BRI3BP: variants seen among roughly 807,000 people sequenced by gnomAD.
BRI3BP encodes BRI3 binding protein.
A neutral mutation model predicts 15.8 loss-of-function variants in BRI3BP; 7 were observed. The ratio of observed to expected loss-of-function variants is 0.44; its 90% CI spans 0.25 to 0.83. The LOEUF (loss-of-function observed/expected upper bound fraction) is 0.83. BRI3BP is among the 40% of genes least tolerant of loss of function. The pLI, the probability that BRI3BP is intolerant of heterozygous loss-of-function variation, is 0.20. For missense variants in BRI3BP, 320 were observed against 339.3 expected (o/e 0.94, Z 0.45); for synonymous variants, 192 against 163.5 (o/e 1.17, Z -1.33).
the BRI3BP span, among the ~76,000 whole-genome samples, chr12:125,047,297 C>T: frequency 6.6e-6 from 1 of 151,178 alleles, no homozygotes; most frequent in South Asian, 2.1e-4. Flanking sequence ...TACAGGAGCC[C>T]GCCACCACGC....
chr12:124,998,147 C>G (rs1955056060), intron 1 of BRI3BP, among the ~76,000 whole-genome samples: 1 of 148,888 alleles, frequency 6.7e-6, no homozygotes, highest in Non-Finnish European at 1.5e-5. Context: ...AAAAAATTAG[C>G]TGGGCGTGGT....
chr12:125,034,206 C>T (rs1414156304), downstream of BRI3BP, among the ~76,000 whole-genome samples: 1 of 151,498 alleles, frequency 6.6e-6, no homozygotes, highest in African/African-American at 2.4e-5. Context: ...GCCACCACAC[C>T]CAGCTAATTT....
chr12:125,002,124 G>T (rs562933858), intron 1 of BRI3BP, among the ~76,000 whole-genome samples: 1 of 152,044 alleles, frequency 6.6e-6, no homozygotes, highest in African/African-American at 2.4e-5. Context: ...TGCACATTTC[G>T]GTTTATGTCA....
Position 125,027,340 on chromosome 12 carries a change from G to A in BRI3BP, c.*1910G>A, listed in dbSNP as rs1955364199. 1 of 152,074 alleles carries A rather than the reference G, an allele frequency of 6.6e-6. No homozygotes were observed. Among genetic ancestry groups the A allele is most frequent in the Non-Finnish European group, 1.5e-5 (1 of 68,044 alleles). 9.4% of individuals were successfully genotyped at this position (152,074 alleles called of 1,614,324 possible). A position where few individuals can be genotyped will look rare whatever the true frequency, so the allele number is the denominator to read the frequency against. ...CTTCCTGAAACGTGCACCTGTTTCA[G>A]GTGCATGTTTATTCAGTGTGCATGG... On this transcript the variant is annotated 3_prime_UTR_variant, in exon 3 of 3. Transcript: ENST00000341446.
At chr12:125,003,959 ACACACACACAC>A (rs1955119428) in intron 1 of BRI3BP, among the ~76,000 whole-genome samples, 2 of 8,150 alleles carry the variant, frequency 2.5e-4, no homozygotes, top group Non-Finnish European at 3.9e-4. Flanking sequence ...TCTCAAAAAC[ACACACACACAC>A]ACACACACAC....
At chr12:125,014,548 A>G (rs1027605826) in intron 2 of BRI3BP, among the ~76,000 whole-genome samples, 12 of 152,222 alleles carry the variant, frequency 7.9e-5, no homozygotes, top group African/African-American at 2.9e-4. Flanking sequence ...CATACGGGAC[A>G]CACTTAATTC....
chr12:125,020,929 A>C (rs1248950911), intron 2 of BRI3BP, among the ~76,000 whole-genome samples: 1 of 152,182 alleles, frequency 6.6e-6, no homozygotes, highest in Non-Finnish European at 1.5e-5. Flanking sequence ...TTAACAACTA[A>C]TTAAAAACTA....
the BRI3BP span, among the ~76,000 whole-genome samples, chr12:125,046,775 C>T: frequency 2.6e-5 from 4 of 152,276 alleles, no homozygotes; most frequent in South Asian, 4.1e-4. Flanking sequence ...TATTTTAATT[C>T]GGCTATGGAT....
At chr12:125,047,305 C>T in the BRI3BP span, among the ~76,000 whole-genome samples, 1 of 151,866 alleles carries the variant, frequency 6.6e-6, no homozygotes, top group East Asian at 1.9e-4. Context: ...CCCGCCACCA[C>T]GCCCGGCTAA....
At chr12:125,014,911 C>T (rs989491604) in intron 2 of BRI3BP, among the ~76,000 whole-genome samples, 33 of 152,302 alleles carry the variant, frequency 2.2e-4, no homozygotes, top group African/African-American at 4.8e-4. Context: ...GGACCACAGG[C>T]CCATGCCACC....
chr12:125,024,644 AC>A (rs1423650960), intron 2 of BRI3BP, among the ~76,000 whole-genome samples: 6 of 152,018 alleles, frequency 3.9e-5, no homozygotes, highest in African/African-American at 1.4e-4. Flanking sequence ...TACTAAAGAT[AC>A]AAAATTAGCC....
chr12:125,048,046 G>A, the BRI3BP span, among the ~76,000 whole-genome samples: 2 of 151,376 alleles, frequency 1.3e-5, no homozygotes, highest in Non-Finnish European at 2.9e-5. Context: ...GATTTTAAGT[G>A]GTCTGGCCCT....
At chr12:125,002,914 G>C (rs538200575) in intron 1 of BRI3BP, among the ~76,000 whole-genome samples, 1 of 152,336 alleles carries the variant, frequency 6.6e-6, no homozygotes, top group Non-Finnish European at 1.5e-5. Context: ...GTGTCTGTTT[G>C]TGCCATCGCA....
downstream of BRI3BP, among the ~76,000 whole-genome samples, chr12:125,031,889 G>A (rs1162309280): frequency 6.6e-6 from 1 of 152,038 alleles, no homozygotes; most frequent in Admixed American, 6.6e-5. Context: ...AATTTACCTT[G>A]ACCAAGTATA....
chr12:125,006,984 A>C (rs1057386346), intron 1 of BRI3BP, among the ~76,000 whole-genome samples: 2 of 152,114 alleles, frequency 1.3e-5, no homozygotes, highest in Admixed American at 6.6e-5. Context: ...GGATCATCTG[A>C]GGTCAGGAGT....
chr12:125,007,603 C>T (rs1384989292), intron 1 of BRI3BP, among the ~76,000 whole-genome samples: 1 of 151,798 alleles, frequency 6.6e-6, no homozygotes, highest in Non-Finnish European at 1.5e-5. Context: ...CCTGTGGTCC[C>T]AGCTACGTGG....
chr12:125,038,697 G>T, the BRI3BP span, among the ~76,000 whole-genome samples: 43 of 152,320 alleles, frequency 2.8e-4, no homozygotes, highest in African/African-American at 1.0e-3. Context: ...CCTGGGAGGC[G>T]GAGGTTGCGG....
chr12:125,035,370 C>T (rs1248808943), downstream of BRI3BP, among the ~76,000 whole-genome samples: 1 of 150,998 alleles, frequency 6.6e-6, no homozygotes, highest in Non-Finnish European at 1.5e-5. Flanking sequence ...TCACCCAAAA[C>T]ATTCACTTAC....
rs34513244 is a variant in BRI3BP, at chr12:125,026,951, TAAAAAAA to T, written c.*1531_*1537del. Reference sequence around the variant, plus strand: ...TAGGCAACAGAGCAAGACTTCATCTTAAAAAAAAAAAAAAAAGCCCAGCATTTTGCAG... The same window carrying T: ...TAGGCAACAGAGCAAGACTTCATCTTAAAAAAAAAGCCCAGCATTTTGCAG... On this transcript the variant is annotated 3_prime_UTR_variant, in exon 3 of 3. Transcript: ENST00000341446. 9.3e-5 allele frequency: 12 copies of T among 129,320 alleles called. No individual in the cohort carries two copies. Among genetic ancestry groups the T allele is most frequent in the African/African-American group, 3.2e-4 (11 of 34,476 alleles). The allele number at this position is 129,320 out of a possible 1,614,324, so 8.0% of individuals were successfully genotyped here. A position where few individuals can be genotyped will look rare whatever the true frequency, so the allele number is the denominator to read the frequency against.
Sources: allele counts gnomAD v4.1 joint callset (sites outside exome capture counted in the v4.1 genomes callset), GRCh38; gene constraint gnomAD v4.1.1; transcripts MANE v1.5; gene names NCBI Gene and HGNC (gene_info 2026-07-23, HGNC 2026-07-21).